Variants in TFAP2D observed in about 807,000 individuals in gnomAD.
The protein encoded by TFAP2D is transcription factor AP-2-delta.
In TFAP2D, 9 loss-of-function variants were observed where a neutral mutation model predicts 43.6. The ratio of observed to expected loss-of-function variants is 0.21; its 90% CI spans 0.12 to 0.36. The LOEUF (loss-of-function observed/expected upper bound fraction) is 0.36. Among genes scored for constraint, TFAP2D ranks in the 10% least tolerant of loss-of-function variants. TFAP2D has a pLI of 1.00. For missense variants in TFAP2D, 513 were observed against 561.4 expected (o/e 0.91, Z 0.87); for synonymous variants, 256 against 224.9 (o/e 1.14, Z -1.24).
rs774732302 is a variant in TFAP2D at position 50,715,508 on chromosome 6, C to A, written c.432C>A (p.Asp144Glu). The change falls in exon 2 of 8, where the codon GAC (aspartate) becomes GAA (glutamate). Residue 144 changes from aspartate (D) to glutamate (E), a missense_variant. By Grantham distance (45) the Asp-to-Glu change is conservative. Coordinates refer to ENST00000008391, the MANE Select transcript of TFAP2D (RefSeq NM_172238.4). Reference protein sequence around the residue: ...LGCLDAYRRHDLSLMSHGSQY... With the variant: ...LGCLDAYRRHELSLMSHGSQY... ...GCCTCGATGCCTACCGCCGCCATGACCTGTCCCTCATGAGCCATGGCTCTC... is the reference window on the plus strand; with the variant it reads ...GCCTCGATGCCTACCGCCGCCATGAACTGTCCCTCATGAGCCATGGCTCTC... 2.5e-6 allele frequency: 4 copies of A among 1,613,402 alleles called. No homozygotes were observed. The highest frequency in any genetic ancestry group is 2.2e-5 in the South Asian group (2 of 91,074).
intron 5 of TFAP2D, among the ~76,000 whole-genome samples, chr6:50,739,182 A>T (rs554888128): frequency 6.6e-6 from 1 of 152,156 alleles, no homozygotes; most frequent in Admixed American, 6.5e-5. Flanking sequence ...TTAACTCGTC[A>T]TTTACATTAG....
chr6:50,747,657 A>G (rs1280705111), intron 6 of TFAP2D, among the ~76,000 whole-genome samples: 1 of 152,084 alleles, frequency 6.6e-6, no homozygotes, highest in African/African-American at 2.4e-5. Context: ...ATTCTGTTGA[A>G]GTGTGCAGCA....
At chr6:50,746,246 T>A (rs1396286762) in intron 6 of TFAP2D, among the ~76,000 whole-genome samples, 1 of 152,068 alleles carries the variant, frequency 6.6e-6, no homozygotes, top group Non-Finnish European at 1.5e-5. Context: ...TTTGTTTGTT[T>A]GTTTGTTTGA....
chr6:50,716,334 A>G (rs968682835), intron 2 of TFAP2D, among the ~76,000 whole-genome samples: 3 of 152,174 alleles, frequency 2.0e-5, no homozygotes, highest in Non-Finnish European at 4.4e-5. Context: ...TAGGTAATTT[A>G]CAAGTTTATT....
At chr6:50,720,414 G>T (rs553810844) in intron 3 of TFAP2D, among the ~76,000 whole-genome samples, 2 of 151,804 alleles carry the variant, frequency 1.3e-5, no homozygotes, top group African/African-American at 4.8e-5. Context: ...TATTGTTTTA[G>T]TGGATGCTGG....
intron 7 of TFAP2D, among the ~76,000 whole-genome samples, chr6:50,764,063 A>C (rs1192306179): frequency 1.3e-5 from 2 of 152,206 alleles, no homozygotes; most frequent in African/African-American, 4.8e-5. Context: ...TTAATAACCC[A>C]GAGTTTCTAA....
Position 50,713,547 on chromosome 6 carries a change from A to G in TFAP2D, c.-509A>G, listed in dbSNP as rs899638054. ...TTGGAGCTAGAGCTCTAGCTTCACA[A>G]TAAAATGTGTGCAAATACTCTCCAC... On this transcript the variant is annotated 5_prime_UTR_variant, in exon 1 of 8. Coordinates refer to ENST00000008391, the MANE Select transcript of TFAP2D (RefSeq NM_172238.4). Among the ~76,000 whole-genome samples the G allele has an allele frequency of 6.6e-6, 1 of 152,348 alleles. No individual in the cohort carries two copies. The highest frequency in any genetic ancestry group is 1.5e-5 in the Non-Finnish European group (1 of 68,028).
chr6:50,762,208 C>G (rs1308191608), intron 7 of TFAP2D, among the ~76,000 whole-genome samples: 1 of 151,976 alleles, frequency 6.6e-6, no homozygotes, highest in African/African-American at 2.4e-5. Context: ...GTTTTGACAC[C>G]CACTGTTAAG....
intron 7 of TFAP2D, among the ~76,000 whole-genome samples, chr6:50,770,624 A>T (rs2113897190): frequency 6.6e-6 from 1 of 152,266 alleles, no homozygotes; most frequent in East Asian, 1.9e-4. Flanking sequence ...CAACAACCCC[A>T]CATGGTAGAT....
chr6:50,748,358 C>T (rs568236437), intron 6 of TFAP2D, among the ~76,000 whole-genome samples: 2 of 152,034 alleles, frequency 1.3e-5, no homozygotes, highest in Admixed American at 6.6e-5. Context: ...CTGGTCAGTT[C>T]ACCTTTATTC....
intron 5 of TFAP2D, among the ~76,000 whole-genome samples, chr6:50,738,870 T>C (rs943306408): frequency 7.9e-5 from 12 of 152,170 alleles, no homozygotes; most frequent in African/African-American, 2.9e-4. Context: ...TAGTTTCATA[T>C]TAACTCGCTA....
At chr6:50,740,597 T>C (rs1769027631) in intron 5 of TFAP2D, among the ~76,000 whole-genome samples, 1 of 135,848 alleles carries the variant, frequency 7.4e-6, no homozygotes, top group East Asian at 2.5e-4. Flanking sequence ...CACACCCAGC[T>C]AAATATTTTT....
At chr6:50,739,338 T>C (rs990488315) in intron 5 of TFAP2D, among the ~76,000 whole-genome samples, 2 of 152,166 alleles carry the variant, frequency 1.3e-5, no homozygotes, top group African/African-American at 2.4e-5. Context: ...TTTCTGTCCT[T>C]GGGATAGTTT....
chr6:50,751,950 T>C (rs1399004474), intron 7 of TFAP2D, among the ~76,000 whole-genome samples: 1 of 152,034 alleles, frequency 6.6e-6, no homozygotes, highest in Non-Finnish European at 1.5e-5. Context: ...TTTCAAATAA[T>C]ACTTAGCACT....
Position 50,713,881 on chromosome 6 carries a change from G to C in TFAP2D, c.-175G>C. 1.1e-6 allele frequency: 1 copy of C among 908,894 alleles called. No individual in the cohort carries two copies. Among genetic ancestry groups the C allele is most frequent in the East Asian group, 2.6e-5 (1 of 37,946 alleles). The allele number at this position is 908,894 out of a possible 1,614,324, so 56.3% of individuals were successfully genotyped here. On this transcript the variant is annotated 5_prime_UTR_variant, in exon 1 of 8. Transcript: ENST00000008391. ...TTTTGTTCCTACAGGTTTTTAAGTG[G>C]GTACGAGGCAAGGAGCTATCTGATC...
chr6:50,771,306 C>A (rs943536896), intron 7 of TFAP2D, among the ~76,000 whole-genome samples: 1 of 152,134 alleles, frequency 6.6e-6, no homozygotes, highest in Non-Finnish European at 1.5e-5. Flanking sequence ...TAGGGCATAG[C>A]TACCCTTTTA....
intron 7 of TFAP2D, among the ~76,000 whole-genome samples, chr6:50,761,547 A>G (rs977221000): frequency 6.6e-6 from 1 of 152,052 alleles, no homozygotes; most frequent in East Asian, 1.9e-4. Flanking sequence ...GTAGGTAGAA[A>G]GGTGCTGGAT....
intron 5 of TFAP2D, among the ~76,000 whole-genome samples, chr6:50,735,131 C>T (rs1435939595): frequency 6.6e-6 from 1 of 151,888 alleles, no homozygotes; most frequent in African/African-American, 2.4e-5. Flanking sequence ...ACCATAGTGC[C>T]CAGAATAAAG....
intron 7 of TFAP2D, among the ~76,000 whole-genome samples, chr6:50,758,549 G>A (rs2281159): frequency 0.3 from 46,131 of 151,736 alleles, 7,187 homozygotes; most frequent in East Asian, 0.43. Flanking sequence ...GGTTCCACAT[G>A]TGACATGCCT....
Sources: allele counts gnomAD v4.1 joint callset (sites outside exome capture counted in the v4.1 genomes callset), GRCh38; gene constraint gnomAD v4.1.1; transcripts MANE v1.5; gene names NCBI Gene and HGNC (gene_info 2026-07-23, HGNC 2026-07-21).